Variants in SZRD1 observed in about 807,000 individuals in gnomAD.
SZRD1 encodes SUZ RNA-binding domain-containing.
In SZRD1, 7 loss-of-function variants were observed where a neutral mutation model predicts 17.6. The ratio of observed to expected loss-of-function variants is 0.40; its 90% confidence interval spans 0.23 to 0.75. The LOEUF (loss-of-function observed/expected upper bound fraction) is 0.75. Among genes scored for constraint, SZRD1 ranks in the 30% least tolerant of loss-of-function variants. The probability of loss-of-function intolerance (pLI) is 0.38; values close to 1 mark genes in which losing one functional copy is unlikely to be tolerated. For synonymous variants in SZRD1, 77 were observed against 77.9 expected (o/e 0.99, Z 0.06); for missense variants, 178 against 201.8 (o/e 0.88, Z 0.71).
At chr1:16,368,903 A>G (rs542867987) in intron 1 of SZRD1, among the ~76,000 whole-genome samples, 1 of 152,266 alleles carries the variant, frequency 6.6e-6, no homozygotes, top group Admixed American at 6.5e-5. Context: ...CATGTTAGAG[A>G]AGTTGGAGGC....
chr1:16,388,138 G>A (rs1460728055), intron 1 of SZRD1, among the ~76,000 whole-genome samples: 1 of 152,172 alleles, frequency 6.6e-6, no homozygotes, highest in Non-Finnish European at 1.5e-5. Flanking sequence ...TTTTGAGACA[G>A]AGTCATGCTC....
At chr1:16,389,605 C>T (rs1362963886) in intron 1 of SZRD1, among the ~76,000 whole-genome samples, 2 of 146,902 alleles carry the variant, frequency 1.4e-5, no homozygotes, top group Non-Finnish European at 3.0e-5. Context: ...GCCACCGTGC[C>T]TGGCCAATTT....
intron 1 of SZRD1, among the ~76,000 whole-genome samples, chr1:16,382,415 T>C (rs974565843): frequency 2.6e-5 from 4 of 151,964 alleles, no homozygotes; most frequent in Non-Finnish European, 4.4e-5. Context: ...CTGGAACTCC[T>C]GATCTCAGGT....
Position 16,391,502 on chromosome 1 carries a change from G to A in SZRD1, c.101+78G>A. On this transcript the variant is annotated intron_variant, in intron 2 of 3. Transcript: ENST00000401088. The surrounding 1 kb of genome is among the most constrained non-coding windows in gnomAD (Gnocchi z 4.3). ...GGCAGTCAGTGGTGTTCTCCAGCTG[G>A]CCATTAGGATTAGCAGGTCCTAGCA... is the stretch of plus-strand genomic sequence containing the variant. 1 of 1,282,298 alleles carries A rather than the reference G, an allele frequency of 7.8e-7. No homozygotes were observed. Among genetic ancestry groups the A allele is most frequent in the Non-Finnish European group, 1.1e-6 (1 of 910,400 alleles). 79.4% of individuals were successfully genotyped at this position (1,282,298 alleles called of 1,614,324 possible).
chr1:16,389,794 A>G (rs1487139213), intron 1 of SZRD1, among the ~76,000 whole-genome samples: 1 of 152,266 alleles, frequency 6.6e-6, no homozygotes, highest in African/African-American at 2.4e-5. Flanking sequence ...AATGGCCTAC[A>G]TGCTGAGCCA....
Position 16,385,770 on chromosome 1 carries a change from A to G in SZRD1, c.52-5605A>G, listed in dbSNP as rs111719162. ...ACCCTAACTTTTCAGCCAGAGGCAC[A>G]TTTATAGCAAGGTTAAGGGCATCAG... On this transcript the variant is annotated intron_variant, in intron 1 of 3. Transcript: ENST00000401088. Among the ~76,000 whole-genome samples the G allele has an allele frequency of 8.9e-3, 1,360 of 152,262 alleles. 13 individuals are homozygous for G. The highest frequency in any genetic ancestry group is 0.031 in the African/African-American group (1,295 of 41,550).
Position 16,391,668 on chromosome 1 carries a change from G to A in SZRD1, c.101+244G>A, listed in dbSNP as rs972150650. The stretch of plus-strand genomic sequence containing the variant: ...CCTGTGTGAGGTCATCTGATGCAAT[G>A]TGAGGAAGTGACAAGTTGGAAGACT... On this transcript the variant is annotated intron_variant, in intron 2 of 3. Coordinates refer to ENST00000401088, the MANE Select transcript of SZRD1 (RefSeq NM_001114600.3). The surrounding 1 kb of genome is among the most constrained non-coding windows in gnomAD (Gnocchi z 4.3). Among the ~76,000 whole-genome samples the A allele has an allele frequency of 6.6e-6, 1 of 152,150 alleles. No homozygotes were observed. Among genetic ancestry groups the A allele is most frequent in the Non-Finnish European group, 1.5e-5 (1 of 68,036 alleles).
intron 1 of SZRD1, among the ~76,000 whole-genome samples, chr1:16,386,899 A>G (rs2085134669): frequency 6.6e-6 from 1 of 151,686 alleles, no homozygotes; most frequent in African/African-American, 2.4e-5. Flanking sequence ...TTTCCAGGGG[A>G]TTTGAGCAAT....
chr1:16,369,449 G>C, intron 1 of SZRD1: 2 of 1,055,960 alleles, frequency 1.9e-6, no homozygotes, highest in Non-Finnish European at 2.9e-6. Context: ...TCTTCTACGG[G>C]GTGAGTGCAT....
rs1207599588 is a variant in SZRD1 at position 16,393,273 on chromosome 1, C to T, written c.147C>T (p.Asp49=). The T allele has an allele frequency of 1.1e-5, 18 of 1,614,032 alleles. No homozygotes were observed. The highest frequency in any genetic ancestry group is 9.9e-5 in the South Asian group (9 of 91,086). Reference sequence around the variant, plus strand: ...CCAAAGTGCCCATTGTGATTCAGGACGATAGCCTTCCCGCGGGGCCCCCTC... The same window carrying T: ...CCAAAGTGCCCATTGTGATTCAGGATGATAGCCTTCCCGCGGGGCCCCCTC... ...SPPKVPIVIQ[D]DSLPAGPPPQ... Residue 49 remains aspartate, a synonymous_variant, in exon 3 of 4, where the codon GAC becomes GAT. Coordinates refer to ENST00000401088, the MANE Select transcript of SZRD1 (RefSeq NM_001114600.3). The surrounding 1 kb of genome is among the most constrained non-coding windows in gnomAD (Gnocchi z 5.6).
intron 1 of SZRD1, among the ~76,000 whole-genome samples, chr1:16,380,877 G>T (rs904541976): frequency 6.6e-6 from 1 of 151,670 alleles, no homozygotes; most frequent in African/African-American, 2.4e-5. Flanking sequence ...AAAGTGCTGA[G>T]ATTACAGATG....
Position 16,391,543 on chromosome 1 carries a change from C to T in SZRD1, c.101+119C>T. 2.4e-6 allele frequency: 2 copies of T among 835,474 alleles called. No homozygotes were observed. Among genetic ancestry groups the T allele is most frequent in the South Asian group, 3.3e-5 (2 of 60,600 alleles). The allele number at this position is 835,474 out of a possible 1,614,324, so 51.8% of individuals were successfully genotyped here. ...GGTCCTAGCAGGTCAGGCTCTGGGG[C>T]AGCAAACCCTTCCCTCCAAATTGGA... On this transcript the variant is annotated intron_variant, in intron 2 of 3. Transcript: ENST00000401088. This position sits in a 1 kb window ranked among gnomAD's most constrained non-coding sequence, Gnocchi z 4.3.
intron 1 of SZRD1, among the ~76,000 whole-genome samples, chr1:16,372,456 G>C (rs1357717339): frequency 5.3e-5 from 8 of 152,302 alleles, no homozygotes; most frequent in Middle Eastern, 3.4e-3. Flanking sequence ...CTGGGTGACA[G>C]AGTGAGACTC....
intron 1 of SZRD1, among the ~76,000 whole-genome samples, chr1:16,379,453 G>C (rs1213914585): frequency 1.3e-5 from 2 of 152,204 alleles, no homozygotes; most frequent in Non-Finnish European, 2.9e-5. Flanking sequence ...TGCAGTCAGA[G>C]GCAAATCACT....
intron 1 of SZRD1, chr1:16,367,747 A>G (rs914491103): frequency 4.0e-5 from 7 of 174,454 alleles, no homozygotes; most frequent in Non-Finnish European, 8.5e-5. Context: ...CCGGCTTCGC[A>G]GGAAAGCGGG....
chr1:16,368,887 A>G (rs1336432674), intron 1 of SZRD1, among the ~76,000 whole-genome samples: 2 of 152,194 alleles, frequency 1.3e-5, no homozygotes, highest in Admixed American at 6.5e-5. Context: ...AGGGTCATAA[A>G]TCCCTCATGT....
intron 1 of SZRD1, among the ~76,000 whole-genome samples, chr1:16,389,536 C>G (rs1464414427): frequency 1.3e-5 from 2 of 150,978 alleles, no homozygotes; most frequent in East Asian, 1.9e-4. Context: ...TGGTCTCGAT[C>G]TCCTGACCTC....
In SZRD1 at chr1:16,393,143, A is replaced by G; in HGVS notation, c.102-85A>G. ...TGGGTAGAATTAGGGAGGGAGAGGAAAGTGATGAGAGGTGGGTGTGGGACA... is the reference window on the plus strand; with the variant it reads ...TGGGTAGAATTAGGGAGGGAGAGGAGAGTGATGAGAGGTGGGTGTGGGACA... On this transcript the variant is annotated intron_variant, in intron 2 of 3. Coordinates refer to ENST00000401088, the MANE Select transcript of SZRD1 (RefSeq NM_001114600.3). The surrounding 1 kb of genome is among the most constrained non-coding windows in gnomAD (Gnocchi z 5.6). The G allele has an allele frequency of 9.9e-6, 15 of 1,519,978 alleles. No individual in the cohort carries two copies. The South Asian group carries it at 1.6e-4, about 16-fold the overall frequency. 94.2% of individuals were successfully genotyped at this position (1,519,978 alleles called of 1,614,324 possible).
rs754103990 is a variant in SZRD1 at position 16,393,351 on chromosome 1, C to A, written c.225C>A (p.Pro75=). Residue 75 remains proline, a synonymous_variant, in exon 3 of 4, where the codon CCC becomes CCA. Coordinates refer to ENST00000401088, the MANE Select transcript of SZRD1 (RefSeq NM_001114600.3). The surrounding 1 kb of genome is among the most constrained non-coding windows in gnomAD (Gnocchi z 5.6). ...CCAGCAACGGTGTGGTCAGCAGCCC[C>A]AACTCCACCAGCAGGCCCACCCTTC... ...RPTSNGVVSS[P]NSTSRPTLPV... 6.2e-7 allele frequency: 1 copy of A among 1,614,226 alleles called. No individual in the cohort carries two copies. The highest frequency in any genetic ancestry group is 1.3e-5 in the African/African-American group (1 of 75,058).
Sources: allele counts gnomAD v4.1 joint callset (sites outside exome capture counted in the v4.1 genomes callset), GRCh38; gene constraint gnomAD v4.1.1; non-coding constraint Gnocchi (gnomAD v3.1); transcripts MANE v1.5; gene names NCBI Gene and HGNC (gene_info 2026-07-23, HGNC 2026-07-21).